PDE1A: variants seen among roughly 807,000 people sequenced by gnomAD.
The protein encoded by PDE1A is phosphodiesterase 1A.
In PDE1A, 35 loss-of-function variants were observed where a neutral mutation model predicts 61.7. That is an observed-to-expected ratio of 0.57 (90% CI 0.43 to 0.75). The LOEUF is 0.75. Ranked by LOEUF, PDE1A falls within the 30% of genes least tolerant of loss-of-function variation. The probability of loss-of-function intolerance (pLI) is 0.00; values close to 1 mark genes in which losing one functional copy is unlikely to be tolerated. For synonymous variants in PDE1A, 232 were observed against 213.2 expected, an observed-to-expected ratio of 1.09 and a Z score of -0.77; for missense variants, 597 against 630.6, an observed-to-expected ratio of 0.95 and a Z score of 0.57.
chr2:182,189,730 T>C (rs1685531822), intron 10 of PDE1A, among the ~76,000 whole-genome samples: 1 of 152,228 alleles, frequency 6.6e-6, no homozygotes, highest in African/African-American at 2.4e-5. Context: ...TTTTACTTCA[T>C]GAGAAGTAAT....
exon 14 of PDE1A, chr2:182,147,152 C>T (rs769538477): frequency 1.3e-6 from 2 of 1,573,762 alleles, no homozygotes; most frequent in Non-Finnish European, 1.7e-6. Flanking sequence ...ATCAGATTCA[C>T]CTAAAAATAT....
chr2:182,627,170 ATATTTATATATAAAATATAAATAT>A, the PDE1A span, among the ~76,000 whole-genome samples: 6 of 16,238 alleles, frequency 3.7e-4, no homozygotes, highest in African/African-American at 8.3e-4. Flanking sequence ...AATATAAATA[ATATTTATATATAAAATATAAATAT>A]TATATTATTT....
chr2:182,694,927 C>T, the PDE1A span, among the ~76,000 whole-genome samples: 1 of 150,698 alleles, frequency 6.6e-6, no homozygotes, highest in Admixed American at 6.6e-5. Flanking sequence ...ATTATTGATG[C>T]TATTTCTACT....
At chr2:182,373,628 G>T (rs1700237280) in intron 1 of PDE1A, among the ~76,000 whole-genome samples, 1 of 152,104 alleles carries the variant, frequency 6.6e-6, no homozygotes, top group Admixed American at 6.6e-5. Flanking sequence ...AAAGTCACAG[G>T]TTGCTAGAAA....
At chr2:182,167,643 G>A (rs1276698591), downstream of PDE1A, among the ~76,000 whole-genome samples, 1 of 151,990 alleles carries the variant, frequency 6.6e-6, no homozygotes, top group East Asian at 1.9e-4. Context: ...GGTACACACT[G>A]GAGACTGTCT....
intron 1 of PDE1A, among the ~76,000 whole-genome samples, chr2:182,293,298 T>C (rs1340072199): frequency 1.3e-5 from 2 of 152,124 alleles, no homozygotes; most frequent in Admixed American, 6.6e-5. Flanking sequence ...AACCCTTGTA[T>C]CATTAAAACT....
At chr2:182,515,960 G>GTA (rs1690112410) in intron 2 of PDE1A, among the ~76,000 whole-genome samples, 3 of 32,734 alleles carry the variant, frequency 9.2e-5, no homozygotes, top group Non-Finnish European at 1.8e-4. Context: ...GTTTCTGTGT[G>GTA]TGTGTGTGTG....
exon 15 of PDE1A, chr2:182,141,150 G>A (rs545766818): frequency 2.4e-4 from 37 of 152,172 alleles, no homozygotes; most frequent in African/African-American, 6.5e-4. Context: ...CATTTAAGAA[G>A]TAGTATTTCT....
intron 2 of PDE1A, among the ~76,000 whole-genome samples, chr2:182,240,505 C>T (rs192531049): frequency 1.3e-5 from 2 of 152,286 alleles, no homozygotes; most frequent in East Asian, 3.9e-4. Flanking sequence ...AACGAATAGA[C>T]TTGAGCATTT....
intron 2 of PDE1A, among the ~76,000 whole-genome samples, chr2:182,461,357 C>A (rs1164384310): frequency 6.6e-6 from 1 of 152,000 alleles, no homozygotes; most frequent in Non-Finnish European, 1.5e-5. Context: ...AACCTTGGGC[C>A]AGGTTATTCA....
At chr2:182,234,375 T>A in intron 4 of PDE1A, 57 bp downstream of exon 4, 1 of 1,192,462 alleles carries the variant, frequency 8.4e-7, no homozygotes, top group Non-Finnish European at 1.2e-6. Flanking sequence ...CATAGCCTTT[T>A]TAAGAGAATT....
intron 1 of PDE1A, among the ~76,000 whole-genome samples, chr2:182,305,190 T>C (rs1283738385): frequency 7.5e-6 from 1 of 132,930 alleles, no homozygotes; most frequent in Non-Finnish European, 1.6e-5. Flanking sequence ...TTCCACTTTA[T>C]AAACAAACTA....
At chr2:182,474,215 G>A (rs1433645120) in intron 2 of PDE1A, among the ~76,000 whole-genome samples, 2 of 151,846 alleles carry the variant, frequency 1.3e-5, no homozygotes, top group Non-Finnish European at 2.9e-5. Context: ...ATATTTACTT[G>A]GGTCTAGGTA....
chr2:182,198,294 T>C (rs1163908530), intron 10 of PDE1A, among the ~76,000 whole-genome samples: 2 of 151,918 alleles, frequency 1.3e-5, no homozygotes, highest in Non-Finnish European at 2.9e-5. Flanking sequence ...AGGTTTTCTA[T>C]GCAGATGCTC....
the PDE1A span, among the ~76,000 whole-genome samples, chr2:182,704,531 T>C: frequency 9.2e-5 from 14 of 152,356 alleles, no homozygotes; most frequent in South Asian, 2.9e-3. Flanking sequence ...TTGTAATCTT[T>C]GTTTATATGT....
At chr2:182,364,623 CCTT>C (rs941266158) in intron 1 of PDE1A, among the ~76,000 whole-genome samples, 2 of 151,430 alleles carry the variant, frequency 1.3e-5, no homozygotes, top group Admixed American at 6.6e-5. Flanking sequence ...TCCAATGCAT[CCTT>C]CTTATTTTAA....
At chr2:182,337,008 T>A (rs142343054) in intron 1 of PDE1A, among the ~76,000 whole-genome samples, 1 of 150,738 alleles carries the variant, frequency 6.6e-6, no homozygotes, top group Admixed American at 6.6e-5. Flanking sequence ...GTCCCTATGA[T>A]ACAAAGTGGC....
chr2:182,528,226 T>G, the PDE1A span, among the ~76,000 whole-genome samples: 1 of 152,210 alleles, frequency 6.6e-6, no homozygotes, highest in Non-Finnish European at 1.5e-5. Context: ...GATAGTGATA[T>G]GAACAATGAA....
chr2:182,593,497 G>A, the PDE1A span, among the ~76,000 whole-genome samples: 1 of 152,166 alleles, frequency 6.6e-6, no homozygotes, highest in Non-Finnish European at 1.5e-5. Flanking sequence ...TAGACTAGTA[G>A]ATAGGATAAT....
Sources: allele counts gnomAD v4.1 joint callset (sites outside exome capture counted in the v4.1 genomes callset), GRCh38; gene constraint gnomAD v4.1.1; transcripts MANE v1.5; gene names NCBI Gene and HGNC (gene_info 2026-07-23, HGNC 2026-07-21).